The following SYT1 variants were observed in gnomAD, a reference collection of about 807,000 sequenced individuals.
The protein encoded by SYT1 is synaptotagmin 1, also known as synaptotagmin-1.
Under a neutral mutation model 44.8 loss-of-function variants are expected in SYT1, and 8 were observed. That is an observed-to-expected ratio of 0.18 (90% CI 0.10 to 0.32). The LOEUF (loss-of-function observed/expected upper bound fraction) is 0.32. Among genes scored for constraint, SYT1 ranks in the 10% least tolerant of loss-of-function variants. The pLI is 1.00. For synonymous variants in SYT1, 154 were observed against 188.8 expected (o/e 0.82, Z 1.51); for missense variants, 286 against 509.3 (o/e 0.56, Z 4.22).
chr12:79,183,328 T>C (rs1872642870), intron 3 of SYT1, among the ~76,000 whole-genome samples: 1 of 152,004 alleles, frequency 6.6e-6, no homozygotes, highest in African/African-American at 2.4e-5. Flanking sequence ...AAGATATTTG[T>C]CTTCTGTAGA....
At chr12:79,039,054 A>T (rs1459107612) in intron 2 of SYT1, among the ~76,000 whole-genome samples, 4 of 152,034 alleles carry the variant, frequency 2.6e-5, no homozygotes, top group African/African-American at 9.7e-5. Context: ...AATTATTTGT[A>T]TATTTCTGAT....
intron 2 of SYT1, among the ~76,000 whole-genome samples, chr12:79,010,088 G>C (rs1231219612): frequency 2.0e-5 from 3 of 152,074 alleles, no homozygotes; most frequent in Non-Finnish European, 4.4e-5. Context: ...GAATACTGTA[G>C]GTTATTACTA....
intron 9 of SYT1, among the ~76,000 whole-genome samples, chr12:79,432,114 T>C (rs927734252): frequency 1.3e-5 from 2 of 152,074 alleles, no homozygotes; most frequent in African/African-American, 4.8e-5. Context: ...CCAACTAACA[T>C]GTTCAAGGTT....
chr12:78,912,270 C>T lies in SYT1; in HGVS notation c.-217+47161C>T, dbSNP rs553071913. Among the ~76,000 whole-genome samples the T allele has an allele frequency of 5.3e-5, 8 of 151,628 alleles. No individual in the cohort carries two copies. The South Asian group carries it at 1.5e-3, about 28-fold the overall frequency. On this transcript the variant is annotated intron_variant, in intron 1 of 10. Transcript: ENST00000261205. ...ATGAATACCTAATGTTTATTCCGTA[C>T]TGTACAAGGCACTAGATGATAAATA...
intron 1 of SYT1, among the ~76,000 whole-genome samples, chr12:78,964,632 A>G (rs557605160): frequency 6.6e-6 from 1 of 152,198 alleles, no homozygotes; most frequent in Non-Finnish European, 1.5e-5. Flanking sequence ...AAGTGTTATA[A>G]AACTGTAGTC....
intron 4 of SYT1, among the ~76,000 whole-genome samples, chr12:79,221,364 A>T (rs751035541): frequency 2.6e-5 from 4 of 152,092 alleles, no homozygotes; most frequent in Non-Finnish European, 4.4e-5. Flanking sequence ...CCATTCAGTC[A>T]TTCTATGCCT....
intron 1 of SYT1, among the ~76,000 whole-genome samples, chr12:78,942,848 C>T (rs1007878281): frequency 6.6e-6 from 1 of 152,164 alleles, no homozygotes; most frequent in African/African-American, 2.4e-5. Flanking sequence ...GGGGTCCCGA[C>T]AAGTTGGTTG....
At chr12:79,264,011 T>C (rs750688733) in intron 4 of SYT1, among the ~76,000 whole-genome samples, 8 of 152,182 alleles carry the variant, frequency 5.3e-5, no homozygotes, top group Non-Finnish European at 7.3e-5. Flanking sequence ...TGAAATAGAA[T>C]TATCAGAGAT....
chr12:79,029,455 A>G (rs1172651389), intron 2 of SYT1, among the ~76,000 whole-genome samples: 2 of 151,132 alleles, frequency 1.3e-5, no homozygotes, highest in Non-Finnish European at 3.0e-5. Flanking sequence ...CAAGCAACAG[A>G]AAGGGTAAAT....
chr12:79,191,609 A>G (rs555013601), intron 3 of SYT1, among the ~76,000 whole-genome samples: 4 of 152,244 alleles, frequency 2.6e-5, no homozygotes, highest in African/African-American at 9.6e-5. Flanking sequence ...TGTGGGTTTC[A>G]TTATGCCAGG....
chr12:79,304,408 GT>G, intron 8 of SYT1, among the ~76,000 whole-genome samples: 1 of 152,206 alleles, frequency 6.6e-6, no homozygotes, highest in Non-Finnish European at 1.5e-5. Flanking sequence ...GCCTTTCTGG[GT>G]TTTTTTGGTA....
chr12:79,313,245 C>T (rs113108975), intron 8 of SYT1, among the ~76,000 whole-genome samples: 1,611 of 152,282 alleles, frequency 0.011, 32 homozygotes, highest in African/African-American at 0.037. Flanking sequence ...CCTCCCAGTC[C>T]CTTCCATACC....
chr12:79,184,749 A>G (rs1009029943), intron 3 of SYT1, among the ~76,000 whole-genome samples: 1 of 152,090 alleles, frequency 6.6e-6, no homozygotes, highest in Non-Finnish European at 1.5e-5. Context: ...TCAAATATGA[A>G]TAACTATAAT....
At chr12:79,430,582 T>C (rs1565954582) in intron 9 of SYT1, among the ~76,000 whole-genome samples, 1 of 152,168 alleles carries the variant, frequency 6.6e-6, no homozygotes, top group Non-Finnish European at 1.5e-5. Context: ...GTTCAAGAGT[T>C]TAAGACCAGC....
chr12:79,083,309 T>C (rs1343855344), intron 3 of SYT1, among the ~76,000 whole-genome samples: 2 of 152,136 alleles, frequency 1.3e-5, no homozygotes, highest in Non-Finnish European at 2.9e-5. Flanking sequence ...AAGTATAAAT[T>C]AGTACCACTG....
At chr12:79,045,158 G>T (rs1252678360) in intron 2 of SYT1, among the ~76,000 whole-genome samples, 3 of 152,344 alleles carry the variant, frequency 2.0e-5, no homozygotes, top group African/African-American at 7.2e-5. Context: ...CCCAGTTCGA[G>T]CTTCCCGGCT....
intron 4 of SYT1, among the ~76,000 whole-genome samples, chr12:79,240,164 T>C (rs902210109): frequency 3.9e-5 from 6 of 152,130 alleles, no homozygotes; most frequent in Admixed American, 3.3e-4. Flanking sequence ...ATCTTATTAA[T>C]AGAATTCTGC....
At chr12:79,221,561 G>C (rs1222430614) in intron 4 of SYT1, among the ~76,000 whole-genome samples, 1 of 151,690 alleles carries the variant, frequency 6.6e-6, no homozygotes, top group Non-Finnish European at 1.5e-5. Flanking sequence ...TTCATTTTTT[G>C]TATATCAGCT....
chr12:79,291,945 C>T, intron 5 of SYT1, 63 bp from the exon 6 acceptor site: 2 of 1,601,720 alleles, frequency 1.2e-6, no homozygotes, highest in Non-Finnish European at 1.7e-6. Flanking sequence ...ACTACAGGCC[C>T]AGTTCAATTT....
Sources: gnomAD v4.1 joint callset for allele counts (sites outside exome capture counted in the v4.1 genomes callset) on GRCh38, gnomAD v4.1.1 for gene constraint, MANE v1.5 for transcripts, NCBI Gene and HGNC (gene_info 2026-07-23, HGNC 2026-07-21) for gene names.